The following MAP2K6 variants were observed in gnomAD, a reference collection of about 807,000 sequenced individuals.
MAP2K6 encodes the protein mitogen-activated protein kinase kinase 6, also known as dual specificity mitogen-activated protein kinase kinase 6.
Under a neutral mutation model 53.7 loss-of-function variants are expected in MAP2K6, and 16 were observed. That is an observed-to-expected ratio of 0.30 (90% CI 0.20 to 0.45). MAP2K6 has a LOEUF of 0.45. Ranked by LOEUF, MAP2K6 falls within the 20% of genes least tolerant of loss-of-function variation. The pLI is 1.00. For synonymous variants in MAP2K6, 132 were observed against 143.1 expected, an observed-to-expected ratio of 0.92 and a Z score of 0.55; for missense variants, 204 against 411.9, an observed-to-expected ratio of 0.50 and a Z score of 4.37.
At chr17:69,528,258 C>T (rs1265387552) in intron 10 of MAP2K6, among the ~76,000 whole-genome samples, 1 of 152,122 alleles carries the variant, frequency 6.6e-6, no homozygotes, top group Non-Finnish European at 1.5e-5. Flanking sequence ...GTACTTTTCC[C>T]TGATGATGTA....
At chr17:69,429,570 C>A (rs1234392497) in intron 1 of MAP2K6, among the ~76,000 whole-genome samples, 2 of 152,016 alleles carry the variant, frequency 1.3e-5, no homozygotes, top group African/African-American at 4.8e-5. Context: ...TGATTATTAA[C>A]AAAGGTCTTT....
intron 8 of MAP2K6, among the ~76,000 whole-genome samples, chr17:69,524,011 G>A (rs1023634294): frequency 1.3e-5 from 2 of 152,092 alleles, no homozygotes; most frequent in South Asian, 2.1e-4. Flanking sequence ...GTCCTCGCAC[G>A]GTGAAAGGGG....
intron 1 of MAP2K6, among the ~76,000 whole-genome samples, chr17:69,486,838 T>C (rs568983855): frequency 3.4e-4 from 52 of 152,344 alleles, no homozygotes; most frequent in Non-Finnish European, 5.7e-4. Context: ...TGACCTTATC[T>C]GTAAAGCTGG....
At chr17:69,512,470 GC>G (rs1348316014) in intron 2 of MAP2K6, among the ~76,000 whole-genome samples, 2 of 150,856 alleles carry the variant, frequency 1.3e-5, no homozygotes, top group African/African-American at 2.4e-5. Flanking sequence ...CTCCCAAGTA[GC>G]TGGGACTACA....
chr17:69,523,477 G>C (rs755686903), intron 7 of MAP2K6, 37 bp from the exon 8 acceptor site: 17 of 1,609,914 alleles, frequency 1.1e-5, no homozygotes, highest in East Asian at 2.2e-5. Context: ...TTGAAAGCAG[G>C]CTGAAATGAT....
chr17:69,469,660 G>A (rs1344646452), intron 1 of MAP2K6, among the ~76,000 whole-genome samples: 3 of 152,188 alleles, frequency 2.0e-5, no homozygotes, highest in Non-Finnish European at 2.9e-5. Flanking sequence ...CTATTTGGGA[G>A]GCTGAGGCAG....
intron 11 of MAP2K6, 25 bp downstream of exon 11, chr17:69,536,185 A>C (rs1281598576): frequency 6.3e-7 from 1 of 1,586,984 alleles, no homozygotes; most frequent in Non-Finnish European, 8.6e-7. Flanking sequence ...CAACGTAAAC[A>C]TGACTATACT....
intron 1 of MAP2K6, among the ~76,000 whole-genome samples, chr17:69,457,670 T>C (rs1907459933): frequency 6.6e-6 from 1 of 152,152 alleles, no homozygotes; most frequent in Non-Finnish European, 1.5e-5. Context: ...CTGGGCACGG[T>C]GGCCTGTGCC....
rs141036590 is a variant in MAP2K6, at chr17:69,461,711, G to T, written c.17-44069G>T. ...CCGCAGGCACCCCTTGCTCACGGAG[G>T]TCATCTGAGGCCCTTTGCATCCTCG... On this transcript the variant is annotated intron_variant, in intron 1 of 11. Coordinates refer to ENST00000590474, the MANE Select transcript of MAP2K6 (RefSeq NM_002758.4). Among the ~76,000 whole-genome samples the T allele has an allele frequency of 4.9e-4, 74 of 152,278 alleles. 1 individual carries two copies. The East Asian group carries it at 0.012, about 25-fold the overall frequency.
chr17:69,519,227 C>T, intron 4 of MAP2K6, 86 bp from the exon 5 acceptor site: 1 of 1,463,192 alleles, frequency 6.8e-7, no homozygotes, highest in African/African-American at 1.4e-5. Flanking sequence ...GTGTCATGAA[C>T]TATTTTCACG....
At chr17:69,512,006 T>C (rs1466163269) in intron 2 of MAP2K6, among the ~76,000 whole-genome samples, 3 of 152,050 alleles carry the variant, frequency 2.0e-5, no homozygotes, top group African/African-American at 7.2e-5. Context: ...AACTCAGGAA[T>C]AACAGTGATG....
chr17:69,423,208 C>T (rs527304816), intron 1 of MAP2K6, among the ~76,000 whole-genome samples: 1 of 152,164 alleles, frequency 6.6e-6, no homozygotes, highest in Non-Finnish European at 1.5e-5. Context: ...TTAAGTATAG[C>T]CCGTGAGCGA....
intron 10 of MAP2K6, among the ~76,000 whole-genome samples, chr17:69,528,128 C>A (rs1208596295): frequency 5.5e-5 from 4 of 72,546 alleles, no homozygotes; most frequent in South Asian, 4.6e-4. Context: ...AAAAAAAAAG[C>A]TGTGAATACA....
At chr17:69,500,735 G>A (rs1192387367) in intron 1 of MAP2K6, among the ~76,000 whole-genome samples, 1 of 148,192 alleles carries the variant, frequency 6.7e-6, no homozygotes, top group Non-Finnish European at 1.5e-5. Flanking sequence ...CAGGCTGGGT[G>A]ACAGAGCAAG....
chr17:69,480,414 C>T (rs1196832023), intron 1 of MAP2K6, among the ~76,000 whole-genome samples: 1 of 152,220 alleles, frequency 6.6e-6, no homozygotes, highest in East Asian at 1.9e-4. Context: ...GGACTAGTTT[C>T]AGCTTTTCAG....
At chr17:69,521,298 A>G in intron 7 of MAP2K6, 198 bp downstream of exon 7, 1 of 439,974 alleles carries the variant, frequency 2.3e-6, no homozygotes, top group Middle Eastern at 5.0e-4. Flanking sequence ...TAAGAAGAAG[A>G]CGTGATCTTT....
At chr17:69,427,057 TA>T in intron 1 of MAP2K6, among the ~76,000 whole-genome samples, 1 of 152,160 alleles carries the variant, frequency 6.6e-6, no homozygotes, top group Non-Finnish European at 1.5e-5. Flanking sequence ...ACACTGTAAT[TA>T]TATAAGCAAG....
intron 1 of MAP2K6, among the ~76,000 whole-genome samples, chr17:69,480,160 G>A (rs572993747): frequency 1.3e-5 from 2 of 152,112 alleles, no homozygotes; most frequent in Non-Finnish European, 2.9e-5. Context: ...ATGTTCTGGA[G>A]AGCCGAGCAT....
intron 1 of MAP2K6, among the ~76,000 whole-genome samples, chr17:69,453,475 G>C (rs138452679): frequency 0.019 from 2,941 of 152,334 alleles, 37 homozygotes; most frequent in Non-Finnish European, 0.03. Context: ...TGTGGACATG[G>C]AGATGTAGGT....
Sources: allele counts gnomAD v4.1 joint callset (sites outside exome capture counted in the v4.1 genomes callset), GRCh38; gene constraint gnomAD v4.1.1; transcripts MANE v1.5; gene names NCBI Gene and HGNC (gene_info 2026-07-23, HGNC 2026-07-21).